TAFA1: variants seen among roughly 807,000 people sequenced by gnomAD.
The protein encoded by TAFA1 is chemokine-like protein TAFA-1.
TAFA1 carries 4 observed loss-of-function variants against 18.5 expected under a neutral mutation model. That is an observed-to-expected ratio of 0.22 (90% CI 0.11 to 0.49). The LOEUF is 0.49. Among genes scored for constraint, TAFA1 ranks in the 20% least tolerant of loss-of-function variants. The probability of loss-of-function intolerance (pLI) is 0.98; values close to 1 mark genes in which losing one functional copy is unlikely to be tolerated. For missense variants in TAFA1, 147 were observed against 169.0 expected, an observed-to-expected ratio of 0.87 and a Z score of 0.72; for synonymous variants, 56 against 55.2, an observed-to-expected ratio of 1.01 and a Z score of -0.06.
At chr3:68,530,465 A>G (rs1050990554) in intron 3 of TAFA1, among the ~76,000 whole-genome samples, 2 of 152,224 alleles carry the variant, frequency 1.3e-5, no homozygotes, top group African/African-American at 2.4e-5. Context: ...TCTCAAAGAA[A>G]GATGAACATT....
At chr3:68,056,527 G>A (rs1048638767) in intron 2 of TAFA1, among the ~76,000 whole-genome samples, 5 of 152,080 alleles carry the variant, frequency 3.3e-5, no homozygotes, top group African/African-American at 1.2e-4. Context: ...GATGCAAAAC[G>A]CTTTAATATG....
At chr3:68,305,567 C>A (rs1458638721) in intron 2 of TAFA1, among the ~76,000 whole-genome samples, 4 of 150,408 alleles carry the variant, frequency 2.7e-5, no homozygotes. Flanking sequence ...GAGTAGTAAT[C>A]ATTTTAGATC....
chr3:68,247,715 A>G (rs2067110728), intron 2 of TAFA1: 1 of 152,230 alleles, frequency 6.6e-6, no homozygotes, highest in African/African-American at 2.4e-5. Flanking sequence ...TATCATAAGT[A>G]TATATTTTTT....
At position 68,545,278 on chromosome 3, in the gene TAFA1, A is replaced by G. The variant is rs1405742828; in HGVS notation, c.*775A>G. 2.6e-5 allele frequency: 4 copies of G among 152,570 alleles called. No individual in the cohort carries two copies. The highest frequency in any genetic ancestry group is 6.6e-5 in the Admixed American group (1 of 15,244). The allele number at this position is 152,570 out of a possible 1,614,324, so 9.5% of individuals were successfully genotyped here. Reference sequence around the variant, plus strand: ...AGAAGAAAATGAGGATTCTTAAGGGAGCCACTCCACCATGCTATTAAGACT... The same window carrying G: ...AGAAGAAAATGAGGATTCTTAAGGGGGCCACTCCACCATGCTATTAAGACT... On this transcript the variant is annotated 3_prime_UTR_variant, in exon 5 of 5. Coordinates refer to ENST00000478136, the MANE Select transcript of TAFA1 (RefSeq NM_213609.4).
At chr3:68,294,676 G>C (rs1006437985) in intron 2 of TAFA1, among the ~76,000 whole-genome samples, 7 of 152,076 alleles carry the variant, frequency 4.6e-5, no homozygotes, top group African/African-American at 1.4e-4. Context: ...CTTGAGCCCA[G>C]GAGTTCGAGA....
chr3:68,495,720 G>A (rs2072533964), intron 3 of TAFA1, among the ~76,000 whole-genome samples: 1 of 152,076 alleles, frequency 6.6e-6, no homozygotes. Context: ...ATGGCCCGAG[G>A]ACAGGTATCT....
intron 3 of TAFA1, among the ~76,000 whole-genome samples, chr3:68,425,781 C>A (rs1397252): frequency 6.7e-4 from 102 of 151,978 alleles, no homozygotes; most frequent in African/African-American, 2.4e-3. Context: ...TAGTTTAGAG[C>A]AGCAGTTGCC....
At chr3:68,485,492 C>T (rs2072318454) in intron 3 of TAFA1, among the ~76,000 whole-genome samples, 2 of 152,116 alleles carry the variant, frequency 1.3e-5, no homozygotes, top group Admixed American at 1.3e-4. Flanking sequence ...TTTTTCTGAG[C>T]CACTCCTTAT....
In TAFA1 at chr3:68,054,470, A is replaced by G. The variant is rs1220386094; in HGVS notation, c.118+47726A>G. On this transcript the variant is annotated intron_variant, in intron 2 of 4. Coordinates refer to ENST00000478136, the MANE Select transcript of TAFA1 (RefSeq NM_213609.4). ...CAATCTTCTAGGCAACATAACTACAAGCCAAATAAACCTTTTTTCTTTATA... is the reference window on the plus strand; with the variant it reads ...CAATCTTCTAGGCAACATAACTACAGGCCAAATAAACCTTTTTTCTTTATA... Among the ~76,000 whole-genome samples the G allele has an allele frequency of 2.6e-5, 4 of 152,218 alleles. No homozygotes were observed. The East Asian group carries it at 7.7e-4, about 29-fold the overall frequency.
At chr3:68,395,637 T>C (rs1182061645) in intron 2 of TAFA1, among the ~76,000 whole-genome samples, 3 of 152,178 alleles carry the variant, frequency 2.0e-5, no homozygotes, top group African/African-American at 7.2e-5. Context: ...TAAAAAAGAA[T>C]GAGTTTATGT....
intron 3 of TAFA1, among the ~76,000 whole-genome samples, chr3:68,440,075 C>G (rs2071345819): frequency 6.6e-6 from 1 of 152,002 alleles, no homozygotes; most frequent in African/African-American, 2.4e-5. Context: ...AATTGTAACC[C>G]CCACAATTCC....
At chr3:68,397,893 T>G (rs1415958057) in intron 2 of TAFA1, among the ~76,000 whole-genome samples, 7 of 152,188 alleles carry the variant, frequency 4.6e-5, no homozygotes, top group Admixed American at 4.6e-4. Flanking sequence ...AATTTGTCAA[T>G]TTTGTCTTTT....
At chr3:68,145,716 A>G in intron 2 of TAFA1, 1 of 741,222 alleles carries the variant, frequency 1.3e-6, no homozygotes, top group Non-Finnish European at 2.4e-6. Flanking sequence ...TTTTCAATTT[A>G]TTGGATGGCT....
At chr3:68,161,040 A>C (rs1005884466) in intron 2 of TAFA1, among the ~76,000 whole-genome samples, 1 of 152,214 alleles carries the variant, frequency 6.6e-6, no homozygotes, top group East Asian at 1.9e-4. Context: ...CCATGCCTTT[A>C]ATTGCTTTTG....
chr3:68,070,243 C>G (rs926663098), intron 2 of TAFA1, among the ~76,000 whole-genome samples: 1 of 152,228 alleles, frequency 6.6e-6, no homozygotes, highest in African/African-American at 2.4e-5. Flanking sequence ...TCCCAAACCT[C>G]AGTTCTTGAT....
chr3:68,070,191 C>T (rs2064735639), intron 2 of TAFA1, among the ~76,000 whole-genome samples: 1 of 152,234 alleles, frequency 6.6e-6, no homozygotes, highest in Non-Finnish European at 1.5e-5. Context: ...TCTGCCTGAA[C>T]ATCCAGGCAT....
chr3:68,077,545 G>C (rs1259247770), intron 2 of TAFA1, among the ~76,000 whole-genome samples: 5 of 150,230 alleles, frequency 3.3e-5, no homozygotes, highest in African/African-American at 1.2e-4. Flanking sequence ...AGTTTTCCCA[G>C]CACCATTTAT....
At chr3:68,124,099 A>T (rs1234923952) in intron 2 of TAFA1, among the ~76,000 whole-genome samples, 1 of 152,080 alleles carries the variant, frequency 6.6e-6, no homozygotes, top group African/African-American at 2.4e-5. Context: ...GCCTTCATGT[A>T]TAGAGAGTTT....
At chr3:68,386,134 A>T (rs111524152) in intron 2 of TAFA1, among the ~76,000 whole-genome samples, 1 of 152,142 alleles carries the variant, frequency 6.6e-6, no homozygotes, top group Non-Finnish European at 1.5e-5. Context: ...CATTGTGCCA[A>T]ATTTATTCTC....
Sources: allele counts gnomAD v4.1 joint callset (sites outside exome capture counted in the v4.1 genomes callset), GRCh38; gene constraint gnomAD v4.1.1; transcripts MANE v1.5; gene names NCBI Gene and HGNC (gene_info 2026-07-23, HGNC 2026-07-21).